The following KLHL1 variants were observed in gnomAD, a reference collection of about 807,000 sequenced individuals.
KLHL1 encodes kelch like family member 1, also known as kelch-like protein 1.
Under a neutral mutation model 77.7 loss-of-function variants are expected in KLHL1, and 47 were observed. The ratio of observed to expected loss-of-function variants is 0.60; its 90% CI spans 0.48 to 0.77. The LOEUF is 0.77. KLHL1 is among the 30% of genes least tolerant of loss of function. The pLI, the probability that KLHL1 is intolerant of heterozygous loss-of-function variation, is 0.00. For missense variants in KLHL1, 925 were observed against 910.8 expected, an observed-to-expected ratio of 1.02 and a Z score of -0.20; for synonymous variants, 360 against 325.2, an observed-to-expected ratio of 1.11 and a Z score of -1.15.
intron 1 of KLHL1, among the ~76,000 whole-genome samples, chr13:69,983,589 A>AAAAAAAAAAAAAAAG (rs1216543322): frequency 2.3e-5 from 3 of 132,214 alleles, no homozygotes; most frequent in African/African-American, 1.1e-4. Context: ...AAAAAAAAAA[A>AAAAAAAAAAAAAAAG]AAGAAGAAGA....
chr13:70,101,432 T>C (rs1372376560), intron 1 of KLHL1, among the ~76,000 whole-genome samples: 1 of 151,964 alleles, frequency 6.6e-6, no homozygotes, highest in Non-Finnish European at 1.5e-5. Context: ...CGTATATATA[T>C]ATAATTTTTT....
At chr13:69,804,275 A>G (rs935814252) in intron 6 of KLHL1, among the ~76,000 whole-genome samples, 2 of 152,114 alleles carry the variant, frequency 1.3e-5, no homozygotes, top group Admixed American at 6.5e-5. Flanking sequence ...CTCAGGAGAT[A>G]TTCACTTATG....
intron 1 of KLHL1, among the ~76,000 whole-genome samples, chr13:70,086,590 A>AAAAAGAAAGAAAG (rs1403142406): frequency 1.4e-4 from 12 of 85,748 alleles, no homozygotes; most frequent in African/African-American, 5.3e-4. Flanking sequence ...AAAAAAAAAA[A>AAAAAGAAAGAAAG]AAAGAAAGAA....
chr13:70,091,153 A>T (rs1275130221), intron 1 of KLHL1, among the ~76,000 whole-genome samples: 2 of 151,542 alleles, frequency 1.3e-5, no homozygotes, highest in African/African-American at 4.8e-5. Context: ...ATTCATCTCT[A>T]CTTCTGCTTC....
chr13:69,787,811 A>G (rs1876637612), intron 7 of KLHL1, among the ~76,000 whole-genome samples: 1 of 151,666 alleles, frequency 6.6e-6, no homozygotes, highest in Admixed American at 6.6e-5. Flanking sequence ...AATTTACAAG[A>G]AAAAAACAAA....
chr13:69,726,785 G>A lies in KLHL1; in HGVS notation c.1803-7204C>T, dbSNP rs554224699. Among the ~76,000 whole-genome samples the A allele has an allele frequency of 6.6e-5, 10 of 152,142 alleles. No individual in the cohort carries two copies. The South Asian group carries it at 1.7e-3, about 25-fold the overall frequency. On this transcript the variant is annotated intron_variant, in intron 8 of 10. Transcript: ENST00000377844. ...TGTTTCCTCTGCTCCAACTCTACGC[G>A]TTTTATAATCCTGCAAATTATTTGT...
intron 7 of KLHL1, among the ~76,000 whole-genome samples, chr13:69,758,466 C>G (rs1389516451): frequency 6.6e-6 from 1 of 152,012 alleles, no homozygotes; most frequent in Non-Finnish European, 1.5e-5. Flanking sequence ...TAAATAATCT[C>G]TAAACCAGAC....
intron 5 of KLHL1, among the ~76,000 whole-genome samples, chr13:69,842,848 C>T (rs1879320253): frequency 6.6e-6 from 1 of 151,596 alleles, no homozygotes; most frequent in Non-Finnish European, 1.5e-5. Flanking sequence ...TAGAATGCTA[C>T]TTGGCCATAA....
chr13:70,017,664 G>A (rs780510968), intron 1 of KLHL1, among the ~76,000 whole-genome samples: 10 of 152,210 alleles, frequency 6.6e-5, no homozygotes, highest in Non-Finnish European at 1.3e-4. Context: ...TACTCAGACC[G>A]AAGGTGCATA....
At chr13:69,707,819 C>T (rs1278538145) in intron 9 of KLHL1, 23 bp from the exon 10 acceptor site, 4 of 1,591,712 alleles carry the variant, frequency 2.5e-6, no homozygotes, top group Non-Finnish European at 3.4e-6. Flanking sequence ...GACAATAGTA[C>T]ATAACATATT....
intron 1 of KLHL1, among the ~76,000 whole-genome samples, chr13:70,103,866 A>G (rs1256783659): frequency 6.6e-6 from 1 of 152,152 alleles, no homozygotes; most frequent in Non-Finnish European, 1.5e-5. Context: ...AGAGGTCAAG[A>G]AGAGAGGTGG....
intron 8 of KLHL1, among the ~76,000 whole-genome samples, chr13:69,730,599 G>A (rs1164446618): frequency 6.6e-6 from 1 of 151,822 alleles, no homozygotes; most frequent in Non-Finnish European, 1.5e-5. Context: ...CTGGATACAG[G>A]ATCTTGCTCT....
chr13:69,778,413 G>A (rs1875945630), intron 7 of KLHL1, among the ~76,000 whole-genome samples: 1 of 151,160 alleles, frequency 6.6e-6, no homozygotes, highest in Non-Finnish European at 1.5e-5. Context: ...TAGGCTTTCA[G>A]CATCTTATGA....
At chr13:70,058,600 T>C (rs1363891184) in intron 1 of KLHL1, among the ~76,000 whole-genome samples, 1 of 152,172 alleles carries the variant, frequency 6.6e-6, no homozygotes, top group Non-Finnish European at 1.5e-5. Flanking sequence ...ATATTGCATG[T>C]CCATGGATTG....
chr13:69,819,699 G>A (rs939015410), intron 6 of KLHL1, among the ~76,000 whole-genome samples: 4 of 152,020 alleles, frequency 2.6e-5, no homozygotes, highest in South Asian at 2.1e-4. Context: ...CTGAAGGACC[G>A]ATCACTGCTA....
At chr13:70,010,051 G>A (rs1285422837) in intron 1 of KLHL1, among the ~76,000 whole-genome samples, 1 of 152,082 alleles carries the variant, frequency 6.6e-6, no homozygotes, top group African/African-American at 2.4e-5. Flanking sequence ...AGCAAGGCAT[G>A]AGAATTCTTG....
intron 6 of KLHL1, among the ~76,000 whole-genome samples, chr13:69,802,786 G>T (rs1327113292): frequency 1.3e-5 from 2 of 152,016 alleles, no homozygotes; most frequent in African/African-American, 2.4e-5. Flanking sequence ...AGGGAGCTCG[G>T]CTCTTGAGAC....
At chr13:69,942,462 TC>T (rs77459987) in intron 3 of KLHL1, among the ~76,000 whole-genome samples, 18,522 of 152,074 alleles carry the variant, frequency 0.12, 1,729 homozygotes, top group East Asian at 0.29. Flanking sequence ...TTTCTCCTTT[TC>T]ATCATGAATA....
chr13:69,990,537 A>G (rs1331064972), intron 1 of KLHL1, among the ~76,000 whole-genome samples: 1 of 151,996 alleles, frequency 6.6e-6, no homozygotes, highest in Non-Finnish European at 1.5e-5. Flanking sequence ...TCAAGCACAA[A>G]AGACTTTAAA....
Sources: allele counts gnomAD v4.1 joint callset (sites outside exome capture counted in the v4.1 genomes callset), GRCh38; gene constraint gnomAD v4.1.1; transcripts MANE v1.5; gene names NCBI Gene and HGNC (gene_info 2026-07-23, HGNC 2026-07-21).